Variants in AKAP1 observed in about 807,000 individuals in gnomAD.
AKAP1 encodes A-kinase anchor protein 1, mitochondrial.
A neutral mutation model predicts 79.8 loss-of-function variants in AKAP1; 32 were observed. The ratio of observed to expected loss-of-function variants is 0.40; its 90% CI spans 0.30 to 0.54. AKAP1 has a LOEUF of 0.54. AKAP1 is among the 20% of genes least tolerant of loss of function. The pLI is 0.47. For synonymous variants in AKAP1, 416 were observed against 466.7 expected (o/e 0.89, Z 1.40); for missense variants, 961 against 1,138.9 (o/e 0.84, Z 2.25).
rs755408983 is a variant in AKAP1, at chr17:57,111,831, C to T, written c.1882C>T (p.Arg628Cys). ...CGGTCGGCTAATTGGCAAGCAGGGG[C>T]GCTATGTGAGTTTTCTGAAGCAAAC... ...LVGRLIGKQG[R>C]YVSFLKQTSG... Residue 628 changes from arginine (R) to cysteine (C), a missense_variant, in exon 4 of 11, where the codon CGC becomes TGC. Around this residue, in one of 3 missense-constraint regions of AKAP1, gnomAD observed 629 missense variants for 781.1 expected, o/e 0.81. Transcript: ENST00000337714. 9 of 1,613,834 alleles carry T rather than the reference C, an allele frequency of 5.6e-6. No homozygotes were observed. Among genetic ancestry groups the T allele is most frequent in the South Asian group, 1.1e-5 (1 of 91,070 alleles).
chr17:57,110,128 C>T lies in AKAP1; in HGVS notation c.1818C>T (p.Asp606=). 1 of 1,614,126 alleles carries T rather than the reference C, an allele frequency of 6.2e-7. No individual in the cohort carries two copies. The highest frequency in any genetic ancestry group is 8.5e-7 in the Non-Finnish European group (1 of 1,180,012). The change falls in exon 3 of 11, where the codon GAC becomes GAT. Residue 606 remains aspartate (D), a synonymous_variant. Transcript: ENST00000337714. ...CAGGCTCCAACCCTAAGAAGGTCGA[C>T]CTCATCATCTGGGAGATCGAGGTGC... ...AQAGSNPKKV[D]LIIWEIEVPK...
chr17:57,116,747 TCTGCTTTG>T (rs1915610517), intron 7 of AKAP1, 105 bp from the exon 8 acceptor site: 2 of 1,036,790 alleles, frequency 1.9e-6, no homozygotes, highest in African/African-American at 3.1e-5. Context: ...GTACGAACCC[TCTGCTTTG>T]CTGCATCCCA....
rs762715176 is a variant in AKAP1 at position 57,106,460 on chromosome 17, T to C, written c.996T>C (p.Asp332=). The change falls in exon 2 of 11, where the codon GAT becomes GAC. Residue 332 remains aspartate, a synonymous_variant. Coordinates refer to ENST00000337714, the MANE Select transcript of AKAP1 (RefSeq NM_003488.4). ...EGLDRNEESL[D]RNEEGLDRNE... ...TGGATAGAAATGAGGAGAGCTTGGA[T>C]AGAAATGAGGAGGGCTTGGATAGAA... 6.2e-7 allele frequency: 1 copy of C among 1,608,540 alleles called. No individual in the cohort carries two copies. The highest frequency in any genetic ancestry group is 8.5e-7 in the Non-Finnish European group (1 of 1,175,680).
rs368217273 is a variant in AKAP1 at position 57,091,679 on chromosome 17, A to ATTATTTATTTAT, written c.-25+6297_-25+6308dup. Among the ~76,000 whole-genome samples the ATTATTTATTTAT allele has an allele frequency of 9.3e-3, 1,403 of 150,882 alleles. 8 individuals are homozygous for ATTATTTATTTAT. The highest frequency in any genetic ancestry group is 0.019 in the African/African-American group (761 of 41,006). ...GAAACCACATAACCCCATTAAAAACATTATTTATTTATTTATTTATTTATT... is the reference window on the plus strand; with the variant it reads ...GAAACCACATAACCCCATTAAAAACATTATTTATTTATTTATTTATTTATTTATTTATTTATT... On this transcript the variant is annotated intron_variant, in intron 1 of 10. Transcript: ENST00000337714.
At chr17:57,118,495 T>A in intron 9 of AKAP1, 41 bp downstream of exon 9, 2 of 1,605,820 alleles carry the variant, frequency 1.2e-6, no homozygotes, top group South Asian at 2.2e-5. Context: ...GCTGGCTGGG[T>A]TCTTGGGAAC....
At chr17:57,100,211 G>C (rs114801790) in intron 1 of AKAP1, among the ~76,000 whole-genome samples, 1 of 152,088 alleles carries the variant, frequency 6.6e-6, no homozygotes, top group African/African-American at 2.4e-5. Context: ...TTTTTCCTGC[G>C]ATCAGATAAT....
At chr17:57,088,958 G>C (rs149740405) in intron 1 of AKAP1, among the ~76,000 whole-genome samples, 1,735 of 152,256 alleles carry the variant, frequency 0.011, 37 homozygotes, top group African/African-American at 0.039. Context: ...AGCAAAGAAG[G>C]GCCCTGAGGT....
intron 8 of AKAP1, 57 bp from the exon 9 acceptor site, chr17:57,118,324 C>T: frequency 6.5e-7 from 1 of 1,527,606 alleles, no homozygotes; most frequent in East Asian, 2.3e-5. Context: ...GTGTACATGA[C>T]AAGGGTGCCT....
intron 3 of AKAP1, 132 bp downstream of exon 3, chr17:57,110,290 G>C: frequency 7.8e-7 from 1 of 1,284,422 alleles, no homozygotes; most frequent in African/African-American, 1.5e-5. Context: ...GTCAGCCAAA[G>C]GCCGCAGGGA....
chr17:57,106,084 A>G lies in AKAP1; in HGVS notation c.620A>G (p.Asp207Gly), dbSNP rs769046312. Residue 207 changes from aspartate to glycine, a missense_variant, in exon 2 of 11, where the codon GAT becomes GGT. By Grantham distance (94) the Asp-to-Gly change is moderately conservative. Coordinates refer to ENST00000337714, the MANE Select transcript of AKAP1 (RefSeq NM_003488.4). ...RETGGAEGTG[D>G]AVLGEKVLEE... ...ACAGGTGGGGCCGAAGGGACTGGTGATGCCGTGTTGGGGGAAAAGGTGCTT... is the reference window on the plus strand; with the variant it reads ...ACAGGTGGGGCCGAAGGGACTGGTGGTGCCGTGTTGGGGGAAAAGGTGCTT... 12 of 1,606,936 alleles carry G rather than the reference A, an allele frequency of 7.5e-6. No individual in the cohort carries two copies. In the East Asian group the frequency reaches 2.2e-4, roughly 30 times the overall value.
chr17:57,111,878 T>C lies in AKAP1; in HGVS notation c.1929T>C (p.Ile643=). 6.2e-7 allele frequency: 1 copy of C among 1,614,134 alleles called. No individual in the cohort carries two copies. Among genetic ancestry groups the C allele is most frequent in the Non-Finnish European group, 8.5e-7 (1 of 1,180,026 alleles). ...LKQTSGAKIY[I]STLPYTQSVQ... ...AAACATCTGGTGCCAAGATCTACAT[T>C]TCAACCCTGCCTTACACCCAGAGCG... Residue 643 remains isoleucine (I), a synonymous_variant, in exon 4 of 11, where the codon ATT becomes ATC. Coordinates refer to ENST00000337714, the MANE Select transcript of AKAP1 (RefSeq NM_003488.4).
chr17:57,106,246 AGTAT>A lies in AKAP1; in HGVS notation c.786_789del (p.Tyr262Ter). On this transcript the variant is annotated frameshift_variant, in exon 2 of 11. Transcript: ENST00000337714. LOFTEE classifies it high-confidence loss of function. ...GTGGTGGGGCCAGTGCAGGAGGAAG[AGTAT>A]GTAGCAGAGAAGTTGCCAAGTAGGT... 1.2e-6 allele frequency: 2 copies of A among 1,614,124 alleles called. No individual in the cohort carries two copies. The highest frequency in any genetic ancestry group is 1.7e-6 in the Non-Finnish European group (2 of 1,180,034).
chr17:57,117,967 C>T (rs1029628579), intron 8 of AKAP1, among the ~76,000 whole-genome samples: 50 of 152,142 alleles, frequency 3.3e-4, no homozygotes, highest in Admixed American at 1.3e-4. Flanking sequence ...GGTTGACCTT[C>T]AGGAATCCAC....
Position 57,119,026 on chromosome 17 carries a change from G to A in AKAP1, c.2619G>A (p.Trp873Ter). The change falls in exon 10 of 11, where the codon TGG (tryptophan) becomes TGA (stop). Residue 873 changes from tryptophan to a stop codon, truncating the protein, a stop_gained. Coordinates refer to ENST00000337714, the MANE Select transcript of AKAP1 (RefSeq NM_003488.4). LOFTEE classifies it high-confidence loss of function. ...SPTGLPLIQL[W>*]SVVGDEVVLI... ...CTGGTCTTCCTCTGATTCAGCTGTG[G>A]AGTGTGGTTGGAGATGAAGTAAGTT... 6.2e-7 allele frequency: 1 copy of A among 1,613,946 alleles called. No homozygotes were observed. The highest frequency in any genetic ancestry group is 8.5e-7 in the Non-Finnish European group (1 of 1,179,804).
chr17:57,104,817 G>A (rs568755708), intron 1 of AKAP1, among the ~76,000 whole-genome samples: 12 of 152,210 alleles, frequency 7.9e-5, no homozygotes, highest in African/African-American at 2.2e-4. Flanking sequence ...ATCAGGGAGC[G>A]CCTGTATTTG....
chr17:57,098,292 A>T (rs894117620), intron 1 of AKAP1: 1 of 152,266 alleles, frequency 6.6e-6, no homozygotes, highest in African/African-American at 2.4e-5. Flanking sequence ...TCAAAATGAC[A>T]GAGTGTCCTC....
At chr17:57,107,250 C>A (rs1258641607) in intron 2 of AKAP1, 72 bp downstream of exon 2, 7 of 1,523,026 alleles carry the variant, frequency 4.6e-6, no homozygotes, top group Non-Finnish European at 6.2e-6. Flanking sequence ...TGCCAGTCTG[C>A]CTCTCCCTTC....
At chr17:57,100,515 G>A (rs1031256180) in intron 1 of AKAP1, among the ~76,000 whole-genome samples, 1 of 152,164 alleles carries the variant, frequency 6.6e-6, no homozygotes, top group Non-Finnish European at 1.5e-5. Flanking sequence ...TACTTGGGAG[G>A]CTGAGGTGGG....
At chr17:57,103,973 G>T (rs1308126425) in intron 1 of AKAP1, among the ~76,000 whole-genome samples, 1 of 151,968 alleles carries the variant, frequency 6.6e-6, no homozygotes, top group South Asian at 2.1e-4. Flanking sequence ...AGGTTTCTAG[G>T]TTCCTTCTGC....
Sources: gnomAD v4.1 joint callset for allele counts (sites outside exome capture counted in the v4.1 genomes callset) on GRCh38, gnomAD v4.1.1 for gene constraint, gnomAD v4.1.1 regional missense constraint, MANE v1.5 for transcripts, NCBI Gene and HGNC (gene_info 2026-07-23, HGNC 2026-07-21) for gene names.